The following PRH1 variants were observed in gnomAD, a reference collection of about 807,000 sequenced individuals.
PRH1 encodes proline rich protein HaeIII subfamily 1, also known as salivary acidic proline-rich phosphoprotein 1/2.
PRH1 carries 7 observed loss-of-function variants against 7.9 expected under a neutral mutation model. The observed-to-expected ratio is 0.89, with a 90% CI of 0.50 to 1.67. The LOEUF is 1.67. Ranked by LOEUF, PRH1 falls within the 40% of genes most tolerant of loss-of-function variation. The pLI is 0.00. For synonymous variants in PRH1, 45 were observed against 80.8 expected (o/e 0.56, Z 2.38); for missense variants, 109 against 223.6 (o/e 0.49, Z 3.27).
rs193187018 is a variant in PRH1 at position 11,092,904 on chromosome 12, A to C, written n.124-45716T>G. The stretch of plus-strand genomic sequence containing the variant: ...AGAAATAACCATGGCATGTTAACTG[A>C]TGAGTTCAATGATCTCTTTATGGAA... On this transcript the variant is annotated intron_variant and non_coding_transcript_variant, in intron 1 of 4. Transcript: ENST00000541977. Among the ~76,000 whole-genome samples the C allele has an allele frequency of 2.6e-5, 3 of 115,084 alleles. 1 individual carries two copies. In the East Asian group the frequency reaches 6.4e-4, roughly 24 times the overall value. The allele number at this position is 115,084 out of a possible 152,430, so 75.5% of individuals were successfully genotyped here.
chr12:11,056,155 T>C (rs973571888), intron 1 of PRH1, among the ~76,000 whole-genome samples: 2 of 152,250 alleles, frequency 1.3e-5, no homozygotes, highest in Non-Finnish European at 2.9e-5. Context: ...TTTAGGACTT[T>C]GACTAAATTA....
Position 10,909,059 on chromosome 12 carries a change from T to C in PRH1, c.-58-24784A>G, listed in dbSNP as rs750225387. ...AGCTAAAAATCATAATTCTTAATCC[T>C]GTTCCAGACACAAATATGGCTAGAT... On this transcript the variant is annotated intron_variant, in intron 2 of 3. Transcript: ENST00000539853. 8 of 1,613,654 alleles carry C rather than the reference T, an allele frequency of 5.0e-6. No individual in the cohort carries two copies. The South Asian group carries it at 6.6e-5, about 13-fold the overall frequency.
chr12:10,900,951 C>T (rs1420264438), intron 2 of PRH1, among the ~76,000 whole-genome samples: 1 of 152,190 alleles, frequency 6.6e-6, no homozygotes, highest in Non-Finnish European at 1.5e-5. Context: ...CTCTGCTCCA[C>T]AGCCAGGCAG....
chr12:11,048,161 T>TAGATAGATAGATAGATAG (rs543109079), upstream of PRH1, among the ~76,000 whole-genome samples: 1 of 139,092 alleles, frequency 7.2e-6, no homozygotes, highest in African/African-American at 2.6e-5. Context: ...TGTGTGTGTG[T>TAGATAGATAGATAGATAG]ATAGATAGAT....
chr12:11,128,466 C>T (rs983664070), intron 1 of PRH1, among the ~76,000 whole-genome samples: 2 of 151,756 alleles, frequency 1.3e-5, no homozygotes, highest in African/African-American at 2.4e-5. Context: ...CTATAAAAAG[C>T]GGGCGCAGTG....
At chr12:11,071,116 T>G (rs79364364) in intron 1 of PRH1, among the ~76,000 whole-genome samples, 300 of 148,556 alleles carry the variant, frequency 2.0e-3, no homozygotes, top group East Asian at 0.014. Flanking sequence ...TTTCTAACTA[T>G]GTGCTCCGAG....
chr12:11,140,032 G>A (rs1565695877), intron 1 of PRH1, among the ~76,000 whole-genome samples: 2 of 151,662 alleles, frequency 1.3e-5, no homozygotes, highest in Non-Finnish European at 2.9e-5. Flanking sequence ...TTCTATGATA[G>A]TTATTTCATA....
intron 1 of PRH1, chr12:11,133,452 G>T: frequency 1.2e-6 from 2 of 1,614,006 alleles, no homozygotes; most frequent in Non-Finnish European, 1.7e-6. Context: ...ATAATAGCTT[G>T]GCAGAACATG....
At chr12:10,965,428 A>C in intron 2 of PRH1, 1 of 570,014 alleles carries the variant, frequency 1.8e-6, no homozygotes, top group Non-Finnish European at 2.8e-6. Context: ...CCTGACCTTA[A>C]ATTTTATGTG....
intron 1 of PRH1, among the ~76,000 whole-genome samples, chr12:10,998,658 C>T (rs1355272290): frequency 6.6e-6 from 1 of 152,008 alleles, no homozygotes; most frequent in African/African-American, 2.4e-5. Context: ...TTTTCCCATG[C>T]CAGATTTTCA....
chr12:11,154,838 G>A (rs1233411209), intron 1 of PRH1, among the ~76,000 whole-genome samples: 1 of 152,240 alleles, frequency 6.6e-6, no homozygotes, highest in Non-Finnish European at 1.5e-5. Context: ...AATTCCCTCT[G>A]GTGCTTCAGG....
Position 10,884,136 on chromosome 12 carries a change from TC to T in PRH1, c.64+17del, listed in dbSNP as rs1472389251. 6.2e-7 allele frequency: 1 copy of T among 1,613,894 alleles called. No homozygotes were observed. The highest frequency in any genetic ancestry group is 8.5e-7 in the Non-Finnish European group (1 of 1,179,970). ...AACCCCAATCAGAGTCACAATATCT[TC>T]CCCCAATTCATCTTACCTTCATTTA... On this transcript the variant is annotated intron_variant, in intron 1 of 3. Coordinates refer to ENST00000543626, the MANE Select transcript of PRH1 (RefSeq NM_001393989.1).
rs1450477565 is a variant in PRH1, at chr12:10,970,667, C to T, written c.-59+2988G>A. Among the ~76,000 whole-genome samples, 5 of 151,744 alleles carry T rather than the reference C, an allele frequency of 3.3e-5. No individual in the cohort carries two copies. The East Asian group carries it at 5.8e-4, about 18-fold the overall frequency. ...ACAACCTCCGCCTCCCAGGTTGAAG[C>T]GATTCTCCTGCCTCAGCCTCCCTAG... On this transcript the variant is annotated intron_variant, in intron 2 of 3. Transcript: ENST00000539853.
chr12:10,918,180 T>G (rs1198405507), intron 2 of PRH1, among the ~76,000 whole-genome samples: 1 of 151,902 alleles, frequency 6.6e-6, no homozygotes, highest in African/African-American at 2.4e-5. Context: ...TGAGATCACA[T>G]GGACACAGGG....
rs868779269 is a variant in PRH1 at position 11,103,007 on chromosome 12, A to C, written n.124-55819T>G. Among the ~76,000 whole-genome samples, 3 of 152,342 alleles carry C rather than the reference A, an allele frequency of 2.0e-5. No homozygotes were observed. In the Middle Eastern group the frequency reaches 0.01, roughly 518 times the overall value. ...CCACAATGAGATACTATCTCACACC[A>C]GTTAGAATGGCAATCATTAAAAAGT... On this transcript the variant is annotated intron_variant and non_coding_transcript_variant, in intron 1 of 4. Coordinates refer to the PRH1 transcript ENST00000541977.
chr12:10,895,312 A>T (rs1949628488), intron 2 of PRH1: 1 of 152,220 alleles, frequency 6.6e-6, no homozygotes, highest in South Asian at 2.1e-4. Flanking sequence ...TTTCCACAAA[A>T]GGAAGGATGA....
At chr12:10,888,007 C>T (rs757943356), upstream of PRH1, among the ~76,000 whole-genome samples, 3 of 152,168 alleles carry the variant, frequency 2.0e-5, no homozygotes, top group African/African-American at 7.2e-5. Context: ...ATAGGTCTTA[C>T]TCAGTTAGAT....
chr12:11,032,127 G>C (rs1032334098), intron 1 of PRH1, among the ~76,000 whole-genome samples: 1 of 152,132 alleles, frequency 6.6e-6, no homozygotes, highest in African/African-American at 2.4e-5. Flanking sequence ...TGAAATTGAC[G>C]TGAAACCTGA....
At chr12:10,998,191 C>T (rs1302743683) in intron 1 of PRH1, among the ~76,000 whole-genome samples, 2 of 152,110 alleles carry the variant, frequency 1.3e-5, no homozygotes, top group Non-Finnish European at 2.9e-5. Flanking sequence ...TTCTCATTTG[C>T]TAGCATTCAA....
Sources: gnomAD v4.1 joint callset for allele counts (sites outside exome capture counted in the v4.1 genomes callset) on GRCh38, gnomAD v4.1.1 for gene constraint, MANE v1.5 for transcripts, NCBI Gene and HGNC (gene_info 2026-07-23, HGNC 2026-07-21) for gene names.